The following MAN1A1 variants were observed in gnomAD, a reference collection of about 807,000 sequenced individuals.
MAN1A1 encodes the protein mannosyl-oligosaccharide 1,2-alpha-mannosidase IA.
A neutral mutation model predicts 70.8 loss-of-function variants in MAN1A1; 29 were observed. That is an observed-to-expected ratio of 0.41 (90% CI 0.31 to 0.56). The LOEUF (loss-of-function observed/expected upper bound fraction) is 0.56. Ranked by LOEUF, MAN1A1 falls within the 20% of genes least tolerant of loss-of-function variation. MAN1A1 has a pLI of 0.29. For synonymous variants in MAN1A1, 349 were observed against 330.1 expected (o/e 1.06, Z -0.62); for missense variants, 747 against 841.3 (o/e 0.89, Z 1.39).
chr6:119,213,630 C>G (rs921935861), intron 6 of MAN1A1, among the ~76,000 whole-genome samples: 2 of 152,182 alleles, frequency 1.3e-5, no homozygotes, highest in Admixed American at 6.5e-5. Flanking sequence ...GCGACATCTT[C>G]TGTGTTTCAA....
At chr6:119,336,511 C>A (rs957913943) in intron 2 of MAN1A1, among the ~76,000 whole-genome samples, 1 of 152,164 alleles carries the variant, frequency 6.6e-6, no homozygotes, top group Non-Finnish European at 1.5e-5. Flanking sequence ...TAATAGTCAT[C>A]TGTAGAATAA....
chr6:119,255,410 C>A (rs114541279), intron 5 of MAN1A1, among the ~76,000 whole-genome samples: 10,900 of 152,242 alleles, frequency 0.072, 605 homozygotes, highest in African/African-American at 0.16. Flanking sequence ...CTGCAAATAA[C>A]TAAACCCATA....
At chr6:119,261,825 G>GT (rs534860084) in intron 5 of MAN1A1, among the ~76,000 whole-genome samples, 510 of 152,236 alleles carry the variant, frequency 3.4e-3, no homozygotes, top group Non-Finnish European at 4.8e-3. Context: ...ACATCCTGAA[G>GT]GTTATTGTTC....
chr6:119,283,970 G>C (rs1322634972), intron 5 of MAN1A1, among the ~76,000 whole-genome samples: 1 of 152,096 alleles, frequency 6.6e-6, no homozygotes, highest in African/African-American at 2.4e-5. Context: ...ATTACTGTCG[G>C]TTTTCTCCCT....
chr6:119,238,052 CA>C (rs1262575465), intron 6 of MAN1A1, among the ~76,000 whole-genome samples: 1 of 152,152 alleles, frequency 6.6e-6, no homozygotes, highest in Non-Finnish European at 1.5e-5. Context: ...TAAACACAGT[CA>C]GCACAGTTAT....
At chr6:119,304,549 C>T (rs1772478763) in intron 3 of MAN1A1, among the ~76,000 whole-genome samples, 1 of 152,048 alleles carries the variant, frequency 6.6e-6, no homozygotes, top group Non-Finnish European at 1.5e-5. Context: ...GTTCTAGTTT[C>T]CTGCTTAAGA....
At chr6:119,300,863 C>T (rs769956726) in intron 4 of MAN1A1, among the ~76,000 whole-genome samples, 2 of 152,056 alleles carry the variant, frequency 1.3e-5, no homozygotes, top group South Asian at 2.1e-4. Flanking sequence ...CTCCCAAATG[C>T]GGTATATATA....
intron 2 of MAN1A1, among the ~76,000 whole-genome samples, chr6:119,321,914 G>A (rs1562241694): frequency 1.3e-5 from 2 of 151,944 alleles, no homozygotes; most frequent in African/African-American, 2.4e-5. Context: ...CCACCGCCCC[G>A]GCCCTGCAAA....
At chr6:119,332,788 G>GA (rs56829189) in intron 2 of MAN1A1, among the ~76,000 whole-genome samples, 141,035 of 145,646 alleles carry the variant, frequency 0.97, 68,313 homozygotes, top group Middle Eastern at 0.98. Context: ...TCCATCTCAA[G>GA]AAAAAAAAAA....
intron 1 of MAN1A1, 106 bp downstream of exon 1, chr6:119,349,436 C>T: frequency 1.1e-6 from 1 of 923,728 alleles, no homozygotes; most frequent in Non-Finnish European, 1.3e-6. Flanking sequence ...GCAGCCCACT[C>T]TCTGGACTTG....
chr6:119,188,314 T>G (rs902476013), intron 11 of MAN1A1, 91 bp downstream of exon 11: 1 of 1,221,066 alleles, frequency 8.2e-7, no homozygotes, highest in Non-Finnish European at 1.1e-6. Flanking sequence ...TTAAAAATTA[T>G]AGAAAAGTTG....
At chr6:119,346,309 A>ATTTCT (rs1773728047) in intron 2 of MAN1A1, among the ~76,000 whole-genome samples, 2 of 152,090 alleles carry the variant, frequency 1.3e-5, no homozygotes, top group Admixed American at 1.3e-4. Context: ...CAGCATCATA[A>ATTTCT]TTTCTTTTTT....
intron 8 of MAN1A1, among the ~76,000 whole-genome samples, chr6:119,198,872 ATTT>A (rs1481444767): frequency 6.6e-6 from 1 of 152,182 alleles, no homozygotes; most frequent in East Asian, 1.9e-4. Context: ...AATTGTGGAT[ATTT>A]TTCTTTGATA....
At chr6:119,276,361 T>C (rs1161383162) in intron 5 of MAN1A1, among the ~76,000 whole-genome samples, 5 of 152,238 alleles carry the variant, frequency 3.3e-5, no homozygotes, top group African/African-American at 4.8e-5. Flanking sequence ...CTTTGTCTAA[T>C]TTGTTCACTG....
At chr6:119,316,951 C>CTT (rs11362337) in intron 2 of MAN1A1, among the ~76,000 whole-genome samples, 10 of 138,142 alleles carry the variant, frequency 7.2e-5, no homozygotes, top group African/African-American at 2.1e-4. Context: ...TATTATTATT[C>CTT]TTTTTTTTTT....
chr6:119,279,042 T>C (rs1562223196), intron 5 of MAN1A1, among the ~76,000 whole-genome samples: 2 of 152,174 alleles, frequency 1.3e-5, no homozygotes, highest in South Asian at 4.1e-4. Context: ...GCCATGCAGA[T>C]AGACTCTGGC....
At chr6:119,281,616 T>C (rs1384552495) in intron 5 of MAN1A1, among the ~76,000 whole-genome samples, 1 of 152,224 alleles carries the variant, frequency 6.6e-6, no homozygotes, top group Non-Finnish European at 1.5e-5. Context: ...AGAGTCAAGG[T>C]AGAACATGCT....
chr6:119,204,065 A>C (rs1431865126), intron 7 of MAN1A1, among the ~76,000 whole-genome samples: 1 of 152,188 alleles, frequency 6.6e-6, no homozygotes, highest in Non-Finnish European at 1.5e-5. Flanking sequence ...ACAAACTGGG[A>C]GAGTATTACA....
Position 119,302,071 on chromosome 6 carries a change from G to C in MAN1A1, c.733C>G (p.Leu245Val). ...ATTTCCATAATAAAAAGTGTATCCA[G>C]GGCATCTACTATAGTTGCTCCTTTG... is the stretch of plus-strand genomic sequence containing the variant. ...NIKGATIVDA[L>V]DTLFIMEMKH... Residue 245 changes from leucine to valine, a missense_variant, in exon 4 of 13, where the codon CTG (leucine) becomes GTG (valine). Transcript: ENST00000368468. The C allele has an allele frequency of 6.2e-7, 1 of 1,607,534 alleles. No homozygotes were observed. Among genetic ancestry groups the C allele is most frequent in the East Asian group, 2.2e-5 (1 of 44,690 alleles).
Sources: gnomAD v4.1 joint callset for allele counts (sites outside exome capture counted in the v4.1 genomes callset) on GRCh38, gnomAD v4.1.1 for gene constraint, MANE v1.5 for transcripts, NCBI Gene and HGNC (gene_info 2026-07-23, HGNC 2026-07-21) for gene names.